Variants in TTLL4 observed in about 807,000 individuals in gnomAD.
TTLL4 encodes tubulin tyrosine ligase like 4.
TTLL4 carries 85 observed loss-of-function variants against 122.7 expected under a neutral mutation model. That is an observed-to-expected ratio of 0.69 (90% CI 0.58 to 0.83). The LOEUF (loss-of-function observed/expected upper bound fraction) is 0.83. Ranked by LOEUF, TTLL4 falls within the 40% of genes least tolerant of loss-of-function variation. The pLI, the probability that TTLL4 is intolerant of heterozygous loss-of-function variation, is 0.00. For missense variants in TTLL4, 1,363 were observed against 1,488.6 expected, an observed-to-expected ratio of 0.92 and a Z score of 1.39; for synonymous variants, 553 against 563.0, an observed-to-expected ratio of 0.98 and a Z score of 0.25.
chr2:218,740,567 G>A lies in TTLL4; in HGVS notation c.1644G>A (p.Ser548=), dbSNP rs375429891. 3.1e-5 allele frequency: 50 copies of A among 1,614,018 alleles called. No individual in the cohort carries two copies. Among genetic ancestry groups the A allele is most frequent in the African/African-American group, 2.7e-4 (20 of 74,884 alleles). Residue 548 remains serine, a synonymous_variant, in exon 5 of 20, where the codon TCG becomes TCA. Coordinates refer to ENST00000392102, the MANE Select transcript of TTLL4 (RefSeq NM_014640.5). The part of the protein sequence containing the change: ...SSLSAVSPSE[S]VAMISRSCME... ...TAAGTGCTGTCTCCCCCAGCGAATC[G>A]GTGGCCATGATCTCTAGGTAAGTGT... is the stretch of plus-strand genomic sequence containing the variant.
At chr2:218,735,832 A>G (rs1417220461) in intron 2 of TTLL4, among the ~76,000 whole-genome samples, 2 of 151,572 alleles carry the variant, frequency 1.3e-5, no homozygotes, top group Admixed American at 6.6e-5. Flanking sequence ...TCCTCCGTGC[A>G]TGGCTAATTT....
intron 5 of TTLL4, 104 bp downstream of exon 5, chr2:218,740,688 T>G: frequency 7.3e-7 from 1 of 1,376,416 alleles, no homozygotes; most frequent in Non-Finnish European, 1.0e-6. Context: ...AGAACTCTAA[T>G]GCATTTTTAC....
chr2:218,747,517 A>C lies in TTLL4; in HGVS notation c.2250-80A>C. ...TAAGGTCTTTATCTTGGGGACTGTT[A>C]GCTGGCTTTTCCTGTGGCTTGGTTA... On this transcript the variant is annotated intron_variant, in intron 10 of 19. Coordinates refer to ENST00000392102, the MANE Select transcript of TTLL4 (RefSeq NM_014640.5). This position sits in a 1 kb window ranked among gnomAD's most constrained non-coding sequence, Gnocchi z 4.7. 1 of 1,586,350 alleles carries C rather than the reference A, an allele frequency of 6.3e-7. No individual in the cohort carries two copies. Among genetic ancestry groups the C allele is most frequent in the South Asian group, 1.1e-5 (1 of 87,442 alleles).
rs1943058529 is a variant in TTLL4, at chr2:218,752,832, G to A, written c.3046G>A (p.Glu1016Lys). 2.5e-6 allele frequency: 4 copies of A among 1,614,074 alleles called. No homozygotes were observed. Among genetic ancestry groups the A allele is most frequent in the Non-Finnish European group, 3.4e-6 (4 of 1,180,028 alleles). ...TCGGATTCTGGTTGAGATGGAAGATGAGTTTTCTCGCCGTGGTCAGTTTGA... is the reference window on the plus strand; with the variant it reads ...TCGGATTCTGGTTGAGATGGAAGATAAGTTTTCTCGCCGTGGTCAGTTTGA... Reference protein sequence around the residue: ...DVRILVEMEDEFSRRGQFERI... With the variant: ...DVRILVEMEDKFSRRGQFERI... The change falls in exon 17 of 20, where the codon GAG becomes AAG. Residue 1016 changes from glutamate to lysine, a missense_variant. Around this residue, in one of 3 missense-constraint regions of TTLL4, gnomAD observed 596 missense variants for 655.8 expected, o/e 0.91. Transcript: ENST00000392102.
At position 218,738,945 on chromosome 2, in the gene TTLL4, C is replaced by G. The variant is rs138407986; in HGVS notation, c.1269C>G (p.Leu423=). The G allele has an allele frequency of 9.9e-6, 16 of 1,614,250 alleles. No homozygotes were observed. In the East Asian group the frequency reaches 2.0e-4, roughly 20 times the overall value. Residue 423 remains leucine (L), a synonymous_variant, in exon 3 of 20, where the codon CTC becomes CTG. Transcript: ENST00000392102. ...VFCTKRISIH[L]LASHASGLNH... is the part of the protein sequence containing the mutation. ...GTACCAAGCGTATCAGCATTCACCT[C>G]CTTGCCTCACATGCCAGTGGGCTCA... is the stretch of plus-strand genomic sequence containing the variant.
chr2:218,712,887 G>C (rs1941753805), intron 1 of TTLL4, among the ~76,000 whole-genome samples: 2 of 152,164 alleles, frequency 1.3e-5, no homozygotes, highest in South Asian at 2.1e-4. Context: ...TCCCAACCCA[G>C]AAGGCTTGCC....
In TTLL4 at chr2:218,755,012, C is replaced by T. The variant is rs549127305; in HGVS notation, c.*623C>T. 2 of 153,426 alleles carry T rather than the reference C, an allele frequency of 1.3e-5. No individual in the cohort carries two copies. The highest frequency in any genetic ancestry group is 2.1e-4 in the South Asian group (1 of 4,864). 9.5% of individuals were successfully genotyped at this position (153,426 alleles called of 1,614,324 possible). On this transcript the variant is annotated 3_prime_UTR_variant, in exon 20 of 20. Transcript: ENST00000392102. ...GCAGCCCTAGGTCTTCCTGTTCTGA[C>T]CCCCCATCACTGCTCGTTCAGCCTT...
In TTLL4 at chr2:218,748,063, C is replaced by T. The variant is rs750338150; in HGVS notation, c.2379-42C>T. ...ATGTTTGGCCCCTTCTCCATCTGCTCTGTTACCATCTTACCTCTGCCTTTT... is the reference window on the plus strand; with the variant it reads ...ATGTTTGGCCCCTTCTCCATCTGCTTTGTTACCATCTTACCTCTGCCTTTT... On this transcript the variant is annotated intron_variant, in intron 11 of 19. Coordinates refer to ENST00000392102, the MANE Select transcript of TTLL4 (RefSeq NM_014640.5). The T allele has an allele frequency of 6.2e-6, 10 of 1,613,464 alleles. No individual in the cohort carries two copies. The South Asian group carries it at 9.9e-5, about 16-fold the overall frequency.
In TTLL4 at chr2:218,749,388, G is replaced by A. The variant is rs764542885; in HGVS notation, c.2735+1G>A. On this transcript the variant is annotated splice_donor_variant, in intron 14 of 19. Transcript: ENST00000392102. LOFTEE classifies it high-confidence loss of function. ...TCCTGGAAGTCAACATTTCCCCAAG[G>A]TAGGTGGTATTCTCAGGACACTCAC... 8 of 1,614,028 alleles carry A rather than the reference G, an allele frequency of 5.0e-6. No homozygotes were observed. Among genetic ancestry groups the A allele is most frequent in the Non-Finnish European group, 6.8e-6 (8 of 1,179,994 alleles).
In TTLL4 at chr2:218,745,778, G is replaced by T. The variant is rs768757480; in HGVS notation, c.1874G>T (p.Arg625Leu). The part of the protein sequence containing the change: ...TPNIVKQTIG[R>L]SHFKISKRND... ...AACATTGTCAAGCAGACCATTGGAC[G>T]GTCCCACTTCAAAATCAGCAAAAGT... Residue 625 changes from arginine (R) to leucine (L), a missense_variant, in exon 7 of 20, where the codon CGG becomes CTG. Physicochemically the swap from Arg to Leu is moderately radical, Grantham distance 102. This residue lies in a region of TTLL4 where 760 missense variants were observed against 808.4 expected (regional missense o/e 0.94). Coordinates refer to ENST00000392102, the MANE Select transcript of TTLL4 (RefSeq NM_014640.5). 2 of 1,613,412 alleles carry T rather than the reference G, an allele frequency of 1.2e-6. No homozygotes were observed. The highest frequency in any genetic ancestry group is 1.1e-5 in the South Asian group (1 of 90,912).
intron 2 of TTLL4, among the ~76,000 whole-genome samples, chr2:218,734,123 A>T (rs1481351087): frequency 1.3e-5 from 2 of 152,192 alleles, no homozygotes; most frequent in African/African-American, 4.8e-5. Context: ...TTGAGTTTTA[A>T]TCTAGGCACT....
intron 13 of TTLL4, 55 bp downstream of exon 13, chr2:218,748,989 C>T (rs1424058031): frequency 6.4e-7 from 1 of 1,568,298 alleles, no homozygotes; most frequent in Non-Finnish European, 8.8e-7. Context: ...CCTCCTTTCT[C>T]CTGGGCCTCA....
intron 17 of TTLL4, 46 bp from the exon 18 acceptor site, chr2:218,753,069 T>C (rs1559376392): frequency 6.2e-7 from 1 of 1,613,770 alleles, no homozygotes; most frequent in African/African-American, 1.3e-5. Context: ...AATTGGCCAA[T>C]TGATTCTACC....
rs538141242 is a variant in TTLL4, at chr2:218,734,207, G to C, written c.-98-3372G>C. Among the ~76,000 whole-genome samples, 3 of 152,296 alleles carry C rather than the reference G, an allele frequency of 2.0e-5. 1 individual carries two copies. The highest frequency in any genetic ancestry group is 2.0e-4 in the Admixed American group (3 of 15,298). On this transcript the variant is annotated intron_variant, in intron 2 of 19. Coordinates refer to ENST00000392102, the MANE Select transcript of TTLL4 (RefSeq NM_014640.5). ...GTCTTGGATTCATCATCAGTAAACTGAATGTAAGGTTTTTTTTAGGATTAA... is the reference window on the plus strand; with the variant it reads ...GTCTTGGATTCATCATCAGTAAACTCAATGTAAGGTTTTTTTTAGGATTAA...
Position 218,738,997 on chromosome 2 carries a change from A to C in TTLL4, c.1321A>C (p.Ile441Leu), listed in dbSNP as rs1317616334. 1 of 1,614,094 alleles carries C rather than the reference A, an allele frequency of 6.2e-7. No homozygotes were observed. Among genetic ancestry groups the C allele is most frequent in the East Asian group, 2.2e-5 (1 of 44,884 alleles). The change falls in exon 3 of 20, where the codon ATT (isoleucine) becomes CTT (leucine). Residue 441 changes from isoleucine (I) to leucine (L), a missense_variant. Coordinates refer to ENST00000392102, the MANE Select transcript of TTLL4 (RefSeq NM_014640.5). ...TCACAACCCTGCCTGTGAATCTGTAATTGACTCCTCAGCATTTGGAGAAGG... is the reference window on the plus strand; with the variant it reads ...TCACAACCCTGCCTGTGAATCTGTACTTGACTCCTCAGCATTTGGAGAAGG... ...LNHNPACESV[I>L]DSSAFGEGKA... is the part of the protein sequence containing the mutation.
At chr2:218,731,280 G>A (rs1942375723) in intron 2 of TTLL4, among the ~76,000 whole-genome samples, 1 of 151,842 alleles carries the variant, frequency 6.6e-6, no homozygotes, top group East Asian at 1.9e-4. Context: ...GCGTCGTGGC[G>A]GGTGCCTGTA....
rs901035208 is a variant in TTLL4 at position 218,740,132 on chromosome 2, A to T, written c.1562A>T (p.Asp521Val). 12 of 1,614,062 alleles carry T rather than the reference A, an allele frequency of 7.4e-6. No individual in the cohort carries two copies. The highest frequency in any genetic ancestry group is 9.3e-6 in the Non-Finnish European group (11 of 1,180,032). The change falls in exon 4 of 20, where the codon GAC becomes GTC. Residue 521 changes from aspartate (D) to valine (V), a missense_variant. Coordinates refer to ENST00000392102, the MANE Select transcript of TTLL4 (RefSeq NM_014640.5). The stretch of plus-strand genomic sequence containing the variant: ...GAAGAACTAGTAGATGGTTTGGAAG[A>T]CTGTTGTAGCCGTGATGAGAATGAA... ...TEEELVDGLE[D>V]CCSRDENEEE...
rs201497979 is a variant in TTLL4 at position 218,738,048 on chromosome 2, G to A, written c.372G>A (p.Arg124=). The A allele has an allele frequency of 1.9e-6, 3 of 1,614,040 alleles. No homozygotes were observed. Among genetic ancestry groups the A allele is most frequent in the East Asian group, 2.2e-5 (1 of 44,856 alleles). The part of the protein sequence containing the change: ...STLLYRRSSY[R]QKPYQQLESF... Reference sequence around the variant, plus strand: ...TGCTATACCGCCGCTCCAGCTATAGGCAAAAACCGTACCAGCAACTGGAGT... The same window carrying A: ...TGCTATACCGCCGCTCCAGCTATAGACAAAAACCGTACCAGCAACTGGAGT... Residue 124 remains arginine (R), a synonymous_variant, in exon 3 of 20, where the codon AGG becomes AGA. Coordinates refer to ENST00000392102, the MANE Select transcript of TTLL4 (RefSeq NM_014640.5).
Position 218,754,164 on chromosome 2 carries a change from ACT to A in TTLL4, c.3380_3381del (p.Ser1127Ter), listed in dbSNP as rs769574180. 4 of 1,613,788 alleles carry A rather than the reference ACT, an allele frequency of 2.5e-6. No homozygotes were observed. Among genetic ancestry groups the A allele is most frequent in the South Asian group, 2.2e-5 (2 of 91,074 alleles). On this transcript the variant is annotated frameshift_variant, in exon 20 of 20. Coordinates refer to ENST00000392102, the MANE Select transcript of TTLL4 (RefSeq NM_014640.5). LOFTEE classifies it low-confidence loss of function (END_TRUNC). ...KQSSCEVSLL[L>X]SEDGTTPKSK... ...AAAGCTCCTGTGAGGTTAGCCTACT[ACT>A]CTCTGAAGACGGGACCACGCCCAAA...
Sources: gnomAD v4.1 joint callset for allele counts (sites outside exome capture counted in the v4.1 genomes callset) on GRCh38, gnomAD v4.1.1 for gene constraint, gnomAD v4.1.1 regional missense constraint, Gnocchi (gnomAD v3.1) non-coding constraint, MANE v1.5 for transcripts, NCBI Gene and HGNC (gene_info 2026-07-23, HGNC 2026-07-21) for gene names.